The following GMPR variants were observed in gnomAD, a reference collection of about 807,000 sequenced individuals.
GMPR encodes the protein guanosine monophosphate reductase.
In GMPR, 31 loss-of-function variants were observed where a neutral mutation model predicts 38.4. That is an observed-to-expected ratio of 0.81 (90% confidence interval 0.61 to 1.09). The LOEUF (loss-of-function observed/expected upper bound fraction) is 1.09. Among genes scored for constraint, GMPR ranks in the 50% least tolerant of loss-of-function variants. The pLI is 0.00. For synonymous variants in GMPR, 162 were observed against 173.3 expected, an observed-to-expected ratio of 0.93 and a Z score of 0.51; for missense variants, 468 against 453.7, an observed-to-expected ratio of 1.03 and a Z score of -0.29.
Position 16,290,648 on chromosome 6 carries a change from C to T in GMPR, c.857+27C>T. On this transcript the variant is annotated intron_variant, in intron 8 of 8. Coordinates refer to ENST00000259727, the MANE Select transcript of GMPR (RefSeq NM_006877.4). ...TGAGGAGGTGACCCCGGGGCGCACCCTCGAGGCCTGGCCTTGCTTTTCTTA... is the reference window on the plus strand; with the variant it reads ...TGAGGAGGTGACCCCGGGGCGCACCTTCGAGGCCTGGCCTTGCTTTTCTTA... 4 of 1,602,366 alleles carry T rather than the reference C, an allele frequency of 2.5e-6. No individual in the cohort carries two copies. In the South Asian group the frequency reaches 4.4e-5, roughly 18 times the overall value.
intron 1 of GMPR, among the ~76,000 whole-genome samples, chr6:16,240,997 T>C (rs1369421017): frequency 6.6e-6 from 1 of 152,134 alleles, no homozygotes; most frequent in Non-Finnish European, 1.5e-5. Context: ...TTGAGGGATC[T>C]AGTTAGGCCT....
rs562144943 is a variant in GMPR, at chr6:16,276,031, C to A, written c.547+1535C>A. Among the ~76,000 whole-genome samples, 4 of 151,952 alleles carry A rather than the reference C, an allele frequency of 2.6e-5. No individual in the cohort carries two copies. The East Asian group carries it at 7.8e-4, about 30-fold the overall frequency. On this transcript the variant is annotated intron_variant, in intron 5 of 8. Coordinates refer to ENST00000259727, the MANE Select transcript of GMPR (RefSeq NM_006877.4). ...GTTGCAGTAAGCTGAGATCGCACTA[C>A]TGCACTCCAGTCTTGGTGATAGAGC...
chr6:16,243,064 T>G (rs1026459532), intron 1 of GMPR, among the ~76,000 whole-genome samples: 13 of 151,182 alleles, frequency 8.6e-5, no homozygotes, highest in African/African-American at 2.9e-4. Flanking sequence ...ACTTCAACAT[T>G]TTGGGGGCGG....
intron 2 of GMPR, among the ~76,000 whole-genome samples, chr6:16,248,870 G>A (rs1758810146): frequency 6.6e-6 from 1 of 152,186 alleles, no homozygotes. Context: ...CCTAGGACTC[G>A]CTGTGCTCTT....
chr6:16,289,885 T>TG (rs869111442), intron 7 of GMPR: 1 of 116,786 alleles, frequency 8.6e-6, no homozygotes, highest in Non-Finnish European at 1.7e-5. Flanking sequence ...TTTTTTTTTT[T>TG]GTGAGACGGA....
intron 4 of GMPR, among the ~76,000 whole-genome samples, chr6:16,261,000 T>C (rs1336900055): frequency 1.3e-5 from 2 of 151,892 alleles, no homozygotes; most frequent in Non-Finnish European, 1.5e-5. Flanking sequence ...TTGGAAGTTA[T>C]GAGAAATGTA....
chr6:16,272,239 A>G (rs1759400804), intron 4 of GMPR, among the ~76,000 whole-genome samples: 1 of 151,960 alleles, frequency 6.6e-6, no homozygotes, highest in East Asian at 1.9e-4. Context: ...CAAAAAAAAC[A>G]CTCTTAAAAA....
At chr6:16,292,357 G>A (rs564326592) in intron 8 of GMPR, among the ~76,000 whole-genome samples, 34 of 152,006 alleles carry the variant, frequency 2.2e-4, no homozygotes, top group Admixed American at 9.8e-4. Context: ...GGGTTCTAGC[G>A]GACTTACTTC....
Position 16,250,298 on chromosome 6 carries a change from A to C in GMPR, c.222A>C (p.Thr74=), listed in dbSNP as rs1176808258. 1 of 1,604,086 alleles carries C rather than the reference A, an allele frequency of 6.2e-7. No homozygotes were observed. Among genetic ancestry groups the C allele is most frequent in the Non-Finnish European group, 8.5e-7 (1 of 1,170,876 alleles). The change falls in exon 3 of 9, where the codon ACA becomes ACC. Residue 74 remains threonine, a synonymous_variant. Coordinates refer to ENST00000259727, the MANE Select transcript of GMPR (RefSeq NM_006877.4). ...AAVMSQHSMF[T]AIHKHYSLDD... Reference sequence around the variant, plus strand: ...TTGTTTTCTAGCACTCCATGTTTACAGCAATTCATAAGCATTACTCCCTGG... The same window carrying C: ...TTGTTTTCTAGCACTCCATGTTTACCGCAATTCATAAGCATTACTCCCTGG...
chr6:16,295,392 A>C lies in GMPR; in HGVS notation c.*206A>C. On this transcript the variant is annotated 3_prime_UTR_variant, in exon 9 of 9. Coordinates refer to ENST00000259727, the MANE Select transcript of GMPR (RefSeq NM_006877.4). Reference sequence around the variant, plus strand: ...CAGACGCAAGGCACCGATTGGGCCAACATCAGAGCCCTGCTGCCCAGAACT... The same window carrying C: ...CAGACGCAAGGCACCGATTGGGCCACCATCAGAGCCCTGCTGCCCAGAACT... The C allele has an allele frequency of 2.2e-6, 1 of 450,360 alleles. No homozygotes were observed. The highest frequency in any genetic ancestry group is 3.8e-6 in the Non-Finnish European group (1 of 260,020). The allele number at this position is 450,360 out of a possible 1,614,324, so 27.9% of individuals were successfully genotyped here.
chr6:16,251,857 T>C (rs1758882582), intron 3 of GMPR, among the ~76,000 whole-genome samples: 1 of 150,970 alleles, frequency 6.6e-6, no homozygotes, highest in Non-Finnish European at 1.5e-5. Flanking sequence ...AAGAAGCCAT[T>C]AAAAAAAAAC....
intron 2 of GMPR, among the ~76,000 whole-genome samples, chr6:16,248,869 C>T (rs1009914): frequency 0.049 from 7,453 of 152,256 alleles, 347 homozygotes; most frequent in East Asian, 0.14. Flanking sequence ...ACCTAGGACT[C>T]GCTGTGCTCT....
At chr6:16,289,829 C>G (rs1390949712) in intron 7 of GMPR, 1 of 115,368 alleles carries the variant, frequency 8.7e-6, no homozygotes, top group Non-Finnish European at 1.7e-5. Context: ...AGGTAACTTG[C>G]TTTCTAAGAT....
In GMPR at chr6:16,238,763, C is replaced by T. The variant is rs1343001875; in HGVS notation, c.70C>T (p.Leu24Phe). 12 of 1,463,240 alleles carry T rather than the reference C, an allele frequency of 8.2e-6. No individual in the cohort carries two copies. The highest frequency in any genetic ancestry group is 2.2e-5 in the Admixed American group (1 of 46,448). 90.6% of individuals were successfully genotyped at this position (1,463,240 alleles called of 1,614,324 possible). A position where few individuals can be genotyped will look rare whatever the true frequency, so the allele number is the denominator to read the frequency against. ...CCTGCTCCGACCTAAGCGGAGCAGC[C>T]TCAAGAGCCGAGCCGAGGTGGGGGA... The part of the protein sequence containing the change: ...DVLLRPKRSS[L>F]KSRAEVDLER... The change falls in exon 1 of 9, where the codon CTC becomes TTC. Residue 24 changes from leucine to phenylalanine, a missense_variant. By Grantham distance (22) the Leu-to-Phe change is conservative (BLOSUM62 0). Coordinates refer to ENST00000259727, the MANE Select transcript of GMPR (RefSeq NM_006877.4).
chr6:16,273,216 C>T (rs1006259503), intron 4 of GMPR, among the ~76,000 whole-genome samples: 1 of 151,998 alleles, frequency 6.6e-6, no homozygotes, highest in African/African-American at 2.4e-5. Context: ...ACTTTGTCTA[C>T]GTTAAAAAAG....
At chr6:16,279,999 G>A (rs930293929) in intron 6 of GMPR, among the ~76,000 whole-genome samples, 1 of 152,196 alleles carries the variant, frequency 6.6e-6, no homozygotes, top group Non-Finnish European at 1.5e-5. Context: ...CATTTGGGAG[G>A]CAGAATTAAA....
At chr6:16,276,311 A>C (rs1010416582) in intron 5 of GMPR, among the ~76,000 whole-genome samples, 5 of 152,078 alleles carry the variant, frequency 3.3e-5, no homozygotes, top group African/African-American at 9.7e-5. Context: ...CTGGGATTAC[A>C]GGCATGCACC....
rs897093437 is a variant in GMPR, at chr6:16,288,561, G to A, written c.698-1901G>A. 3.3e-5 allele frequency among the ~76,000 whole-genome samples: 5 copies of A among 152,320 alleles called. No homozygotes were observed. The South Asian group carries it at 1.0e-3, about 32-fold the overall frequency. On this transcript the variant is annotated intron_variant, in intron 7 of 8. Coordinates refer to ENST00000259727, the MANE Select transcript of GMPR (RefSeq NM_006877.4). ...CCGCCCCCTCCACGGGCTCCTGTGC[G>A]GCGGGAGCCTCCCTAATGAGCGCCG...
intron 4 of GMPR, among the ~76,000 whole-genome samples, chr6:16,266,397 C>T (rs1402178055): frequency 8.6e-6 from 1 of 116,370 alleles, no homozygotes; most frequent in Non-Finnish European, 1.7e-5. Flanking sequence ...GACGTGCCAC[C>T]TTTAAGAGCT....
Sources: allele counts gnomAD v4.1 joint callset (sites outside exome capture counted in the v4.1 genomes callset), GRCh38; gene constraint gnomAD v4.1.1; transcripts MANE v1.5; gene names NCBI Gene and HGNC (gene_info 2026-07-23, HGNC 2026-07-21).